Variants in ETFBKMT observed in about 807,000 individuals in gnomAD.
The protein encoded by ETFBKMT is electron transfer flavoprotein subunit beta lysine methyltransferase.
Under a neutral mutation model 18.3 loss-of-function variants are expected in ETFBKMT, and 13 were observed. The ratio of observed to expected loss-of-function variants is 0.71; its 90% CI spans 0.46 to 1.13. The LOEUF (loss-of-function observed/expected upper bound fraction) is 1.13, where lower values mean the gene tolerates loss of function less well. ETFBKMT is among the 50% of genes most tolerant of loss of function. ETFBKMT has a pLI of 0.00. For synonymous variants in ETFBKMT, 84 were observed against 107.9 expected, an observed-to-expected ratio of 0.78 and a Z score of 1.37; for missense variants, 293 against 306.2, an observed-to-expected ratio of 0.96 and a Z score of 0.32.
intron 1 of ETFBKMT, among the ~76,000 whole-genome samples, chr12:31,654,119 A>G (rs183866031): frequency 6.6e-6 from 1 of 152,148 alleles, no homozygotes; most frequent in Admixed American, 6.5e-5. Flanking sequence ...GCACGATCTC[A>G]GCTCACTGCA....
intron 1 of ETFBKMT, among the ~76,000 whole-genome samples, chr12:31,650,861 C>A (rs74579825): frequency 6.6e-6 from 1 of 152,058 alleles, no homozygotes; most frequent in African/African-American, 2.4e-5. Flanking sequence ...TCTATGCAAA[C>A]CTGCGGCCAA....
upstream of ETFBKMT, among the ~76,000 whole-genome samples, chr12:31,655,977 C>G: frequency 6.6e-6 from 1 of 152,168 alleles, no homozygotes; most frequent in East Asian, 1.9e-4. Flanking sequence ...AAATATACCT[C>G]AATAAAGCTG....
chr12:31,669,334 C>T lies in ETFBKMT; in HGVS notation c.*1344C>T, dbSNP rs1384798078. ...GTTCTATAGTCCTGTGATTAAGTCT[C>T]AGTCAGTTAAGTCAGCCTGTGCCCC... On this transcript the variant is annotated 3_prime_UTR_variant, in exon 4 of 4. Transcript: ENST00000357721. 1 of 152,212 alleles carries T rather than the reference C, an allele frequency of 6.6e-6. No individual in the cohort carries two copies. Among genetic ancestry groups the T allele is most frequent in the Admixed American group, 6.5e-5 (1 of 15,276 alleles). 9.4% of individuals were successfully genotyped at this position (152,212 alleles called of 1,614,324 possible). A position where few individuals can be genotyped will look rare whatever the true frequency, so the allele number is the denominator to read the frequency against.
rs1565756483 is a variant in ETFBKMT at position 31,672,651 on chromosome 12, A to C, written c.*4661A>C. The C allele has an allele frequency of 3.3e-6, 1 of 307,486 alleles. No homozygotes were observed. 19.0% of individuals were successfully genotyped at this position (307,486 alleles called of 1,614,324 possible). ...TCTGTAATTTCATCATAATTCCACC[A>C]ACCAGAGTAATGGTCTAATTTCACC... On this transcript the variant is annotated 3_prime_UTR_variant, in exon 4 of 4. Transcript: ENST00000357721.
upstream of ETFBKMT, among the ~76,000 whole-genome samples, chr12:31,655,658 G>T (rs11051515): frequency 0.06 from 9,101 of 152,276 alleles, 538 homozygotes; most frequent in East Asian, 0.27. Flanking sequence ...TAGCATAGAT[G>T]TACTGGGCAC....
At chr12:31,652,936 C>T (rs576787360) in intron 1 of ETFBKMT, among the ~76,000 whole-genome samples, 216 of 152,346 alleles carry the variant, frequency 1.4e-3, no homozygotes, top group Admixed American at 2.5e-3. Flanking sequence ...AGGCCGGTCG[C>T]GGTGGCTCAT....
intron 1 of ETFBKMT, among the ~76,000 whole-genome samples, chr12:31,652,882 A>G (rs1951028829): frequency 6.6e-6 from 1 of 152,214 alleles, no homozygotes; most frequent in Non-Finnish European, 1.5e-5. Flanking sequence ...TTTATGACCA[A>G]TGATAAGTAT....
chr12:31,651,094 C>G (rs78635555), intron 1 of ETFBKMT, among the ~76,000 whole-genome samples: 1 of 152,002 alleles, frequency 6.6e-6, no homozygotes, highest in Non-Finnish European at 1.5e-5. Flanking sequence ...ACATCAAGGC[C>G]ACTTGACCTA....
intron 1 of ETFBKMT, among the ~76,000 whole-genome samples, chr12:31,649,102 C>T (rs1359052720): frequency 1.3e-5 from 2 of 152,214 alleles, no homozygotes; most frequent in Admixed American, 1.3e-4. Flanking sequence ...CAGGCGCCCA[C>T]CACCATGCCG....
intron 1 of ETFBKMT, among the ~76,000 whole-genome samples, chr12:31,652,449 C>A (rs1050807194): frequency 6.6e-6 from 1 of 152,180 alleles, no homozygotes; most frequent in Admixed American, 6.5e-5. Flanking sequence ...ATCATTTCTT[C>A]ATAAATTTAT....
At chr12:31,652,332 C>T (rs1207590315) in intron 1 of ETFBKMT, among the ~76,000 whole-genome samples, 2 of 152,180 alleles carry the variant, frequency 1.3e-5, no homozygotes, top group Non-Finnish European at 2.9e-5. Context: ...CGCCTGACGA[C>T]AAACCCCGGG....
At chr12:31,664,924 T>A (rs1191069047) in intron 2 of ETFBKMT, among the ~76,000 whole-genome samples, 3 of 148,498 alleles carry the variant, frequency 2.0e-5, no homozygotes, top group Non-Finnish European at 4.5e-5. Context: ...ATTTATACAT[T>A]TCTTTTCTTT....
rs1951239511 is a variant in ETFBKMT, at chr12:31,669,554, A to G, written c.*1564A>G. The G allele has an allele frequency of 6.6e-6, 1 of 152,180 alleles. No homozygotes were observed. The highest frequency in any genetic ancestry group is 2.4e-5 in the African/African-American group (1 of 41,430). The allele number at this position is 152,180 out of a possible 1,614,324, so 9.4% of individuals were successfully genotyped here. ...ATATTTCAAAATGGTTACTTTCCCT[A>G]TCCTCATACCAGAAGAGGGGATTTT... On this transcript the variant is annotated 3_prime_UTR_variant, in exon 4 of 4. Coordinates refer to ENST00000357721, the MANE Select transcript of ETFBKMT (RefSeq NM_001135863.2).
Position 31,668,054 on chromosome 12 carries a change from T to A in ETFBKMT, c.*64T>A. 1 of 1,265,546 alleles carries A rather than the reference T, an allele frequency of 7.9e-7. No homozygotes were observed. Among genetic ancestry groups the A allele is most frequent in the Non-Finnish European group, 1.1e-6 (1 of 902,228 alleles). 78.4% of individuals were successfully genotyped at this position (1,265,546 alleles called of 1,614,324 possible). A position where few individuals can be genotyped will look rare whatever the true frequency, so the allele number is the denominator to read the frequency against. ...TGGATCTGACTCTAAAAGTTTTCTC[T>A]ATAGGAGATACTCTCCAGTTTAATG... On this transcript the variant is annotated 3_prime_UTR_variant, in exon 4 of 4. Coordinates refer to ENST00000357721, the MANE Select transcript of ETFBKMT (RefSeq NM_001135863.2).
chr12:31,649,879 CCT>C (rs1350629852), intron 1 of ETFBKMT, among the ~76,000 whole-genome samples: 2 of 149,260 alleles, frequency 1.3e-5, no homozygotes, highest in East Asian at 2.0e-4. Context: ...GCCTCAGCCC[CCT>C]GAGTAGCTGG....
chr12:31,669,497 G>C lies in ETFBKMT; in HGVS notation c.*1507G>C, dbSNP rs891210295. The C allele has an allele frequency of 2.0e-5, 3 of 152,186 alleles. No homozygotes were observed. The highest frequency in any genetic ancestry group is 7.2e-5 in the African/African-American group (3 of 41,428). The allele number at this position is 152,186 out of a possible 1,614,324, so 9.4% of individuals were successfully genotyped here. ...GGTAAAATAGTTTCCCTTGAGAACT[G>C]GCTTTTGTTAAGGAGAACTGAACAC... On this transcript the variant is annotated 3_prime_UTR_variant, in exon 4 of 4. Transcript: ENST00000357721.
chr12:31,660,612 A>G (rs977083389), intron 1 of ETFBKMT, among the ~76,000 whole-genome samples: 1 of 152,200 alleles, frequency 6.6e-6, no homozygotes, highest in Non-Finnish European at 1.5e-5. Context: ...GCTTGGTAAA[A>G]TCGAACCATC....
At position 31,648,871 on chromosome 12, in the gene ETFBKMT, G is replaced by A. The variant is rs539960087; in HGVS notation, c.-114+1616G>A. ...CCACCGCGCCCAGCCCTGTGACGGG[G>A]TTTCACCATGTTGGTCAGGCTGGTC... On this transcript the variant is annotated intron_variant, in intron 1 of 3. Transcript: ENST00000412352. Among the ~76,000 whole-genome samples, 4 of 151,944 alleles carry A rather than the reference G, an allele frequency of 2.6e-5. No homozygotes were observed. The East Asian group carries it at 7.8e-4, about 29-fold the overall frequency.
upstream of ETFBKMT, among the ~76,000 whole-genome samples, chr12:31,656,507 A>C (rs544974816): frequency 6.6e-6 from 1 of 152,326 alleles, no homozygotes; most frequent in East Asian, 1.9e-4. Context: ...GGGGAGCTAG[A>C]GCAGGTTTTA....
Sources: allele counts gnomAD v4.1 joint callset (sites outside exome capture counted in the v4.1 genomes callset), GRCh38; gene constraint gnomAD v4.1.1; transcripts MANE v1.5; gene names NCBI Gene and HGNC (gene_info 2026-07-23, HGNC 2026-07-21).